Variants in EYS observed in about 807,000 individuals in gnomAD.
EYS encodes the protein protein eyes shut homolog.
In EYS, 250 loss-of-function variants were observed where a neutral mutation model predicts 282.1. The observed-to-expected ratio is 0.89, with a 90% CI of 0.80 to 0.98. The LOEUF (loss-of-function observed/expected upper bound fraction) is 0.98. Among genes scored for constraint, EYS ranks in the 50% least tolerant of loss-of-function variants. EYS has a pLI of 0.00. For missense variants in EYS, 4,016 were observed against 3,709.0 expected (o/e 1.08, Z -2.15); for synonymous variants, 1,355 against 1,282.9 (o/e 1.06, Z -1.20).
chr6:64,453,109 T>G (rs573540909), intron 26 of EYS, among the ~76,000 whole-genome samples: 61 of 152,206 alleles, frequency 4.0e-4, no homozygotes, highest in African/African-American at 1.4e-3. Context: ...CAACCTCATC[T>G]GACAAAGGGC....
Position 65,387,418 on chromosome 6 carries a change from C to G in EYS, c.1185-2918G>C, listed in dbSNP as rs76313068. On this transcript the variant is annotated intron_variant, in intron 7 of 42. Coordinates refer to ENST00000503581, the MANE Select transcript of EYS (RefSeq NM_001142800.2). Reference sequence around the variant, plus strand: ...ATAAAAATCAGTGAAACAATATTTACTACATTTTAAATAGGTTTCAAAATG... The same window carrying G: ...ATAAAAATCAGTGAAACAATATTTAGTACATTTTAAATAGGTTTCAAAATG... Among the ~76,000 whole-genome samples, 988 of 151,674 alleles carry G rather than the reference C, an allele frequency of 6.5e-3. 18 individuals carry two copies. Among genetic ancestry groups the G allele is most frequent in the African/African-American group, 0.022 (925 of 41,444 alleles).
chr6:64,036,593 T>C (rs562766787), intron 33 of EYS, among the ~76,000 whole-genome samples: 151 of 152,182 alleles, frequency 9.9e-4, no homozygotes, highest in African/African-American at 2.7e-3. Flanking sequence ...AGGTGAACAA[T>C]GAGGGCATAA....
intron 11 of EYS, among the ~76,000 whole-genome samples, chr6:65,334,563 C>T (rs1007375195): frequency 1.3e-5 from 2 of 151,832 alleles, no homozygotes; most frequent in African/African-American, 2.4e-5. Context: ...AGTCACTGTG[C>T]CAGACCCTGA....
intron 26 of EYS, among the ~76,000 whole-genome samples, chr6:64,559,424 A>G (rs796074740): frequency 1.1e-4 from 17 of 152,040 alleles, no homozygotes; most frequent in African/African-American, 4.1e-4. Context: ...ATGTCATAAC[A>G]CTTCTTGATT....
chr6:63,815,226 A>G (rs928819916), intron 36 of EYS, among the ~76,000 whole-genome samples: 2 of 152,168 alleles, frequency 1.3e-5, no homozygotes, highest in Non-Finnish European at 2.9e-5. Flanking sequence ...AAATTACTTT[A>G]TTTCTCACAG....
intron 2 of EYS, among the ~76,000 whole-genome samples, chr6:65,544,025 TGTGTGAGA>T (rs765578043): frequency 2.9e-4 from 42 of 142,628 alleles, no homozygotes; most frequent in African/African-American, 9.2e-4. Context: ...TGTGTGTGTG[TGTGTGAGA>T]GAGAGAGAGA....
chr6:64,389,014 C>T (rs1357557530), intron 28 of EYS, among the ~76,000 whole-genome samples, 174 bp from the exon 29 acceptor site: 1 of 151,650 alleles, frequency 6.6e-6, no homozygotes, highest in Non-Finnish European at 1.5e-5. Flanking sequence ...GCTTTAAGTA[C>T]ATAAACACAA....
At chr6:63,924,690 G>C (rs1053813183) in intron 35 of EYS, among the ~76,000 whole-genome samples, 1 of 152,130 alleles carries the variant, frequency 6.6e-6, no homozygotes. Flanking sequence ...ATGAAGCCAA[G>C]GCCAGATCAT....
chr6:65,453,280 C>T (rs1764474801), intron 5 of EYS, among the ~76,000 whole-genome samples: 1 of 151,976 alleles, frequency 6.6e-6, no homozygotes, highest in Non-Finnish European at 1.5e-5. Flanking sequence ...ATTTAGATAG[C>T]ATTTGGCATT....
intron 36 of EYS, among the ~76,000 whole-genome samples, chr6:63,828,882 T>C (rs1771546195): frequency 6.7e-6 from 1 of 148,376 alleles, no homozygotes; most frequent in African/African-American, 2.6e-5. Flanking sequence ...GTATGGAATG[T>C]AAACTAATAC....
At chr6:64,024,680 C>G (rs1052926520) in intron 33 of EYS, among the ~76,000 whole-genome samples, 1 of 152,016 alleles carries the variant, frequency 6.6e-6, no homozygotes, top group African/African-American at 2.4e-5. Flanking sequence ...CTGAAGCTAG[C>G]GAGACCACGA....
chr6:64,006,942 G>A (rs1768377791), intron 33 of EYS, among the ~76,000 whole-genome samples: 1 of 152,044 alleles, frequency 6.6e-6, no homozygotes, highest in Non-Finnish European at 1.5e-5. Flanking sequence ...GAAGATATTG[G>A]CCTGAAGTTT....
intron 26 of EYS, among the ~76,000 whole-genome samples, chr6:64,521,040 A>C (rs193167128): frequency 1.1e-4 from 16 of 151,910 alleles, no homozygotes; most frequent in African/African-American, 2.7e-4. Flanking sequence ...GCGGACAGGC[A>C]ATATTTATTG....
chr6:64,576,671 A>C (rs1765891071), intron 26 of EYS, among the ~76,000 whole-genome samples: 1 of 152,082 alleles, frequency 6.6e-6, no homozygotes, highest in Admixed American at 6.6e-5. Flanking sequence ...TTTCAAACAA[A>C]ATAATTTTAT....
At chr6:64,300,931 G>C (rs1769212163) in intron 30 of EYS, among the ~76,000 whole-genome samples, 2 of 152,208 alleles carry the variant, frequency 1.3e-5, no homozygotes, top group South Asian at 4.1e-4. Flanking sequence ...TCAGTATCAT[G>C]TAAATCAAGC....
At chr6:64,534,167 C>G (rs565118288) in intron 26 of EYS, among the ~76,000 whole-genome samples, 1 of 151,570 alleles carries the variant, frequency 6.6e-6, no homozygotes, top group Non-Finnish European at 1.5e-5. Flanking sequence ...AAATTTAGAT[C>G]TCTAAATTAT....
intron 14 of EYS, among the ~76,000 whole-genome samples, chr6:64,963,056 C>T (rs1344999719): frequency 6.6e-6 from 1 of 152,110 alleles, no homozygotes. Flanking sequence ...TGAATGTGTG[C>T]GTGCATGTAT....
chr6:63,739,281 G>A (rs1286881117), intron 41 of EYS, among the ~76,000 whole-genome samples: 1 of 152,126 alleles, frequency 6.6e-6, no homozygotes, highest in Non-Finnish European at 1.5e-5. Context: ...ATTGGAGAGT[G>A]TGCTTGGAAG....
chr6:65,558,854 C>T (rs1410495225), intron 2 of EYS, among the ~76,000 whole-genome samples: 1 of 152,090 alleles, frequency 6.6e-6, no homozygotes, highest in Non-Finnish European at 1.5e-5. Flanking sequence ...TGTTTTGCTC[C>T]GTAACTCCAG....
Sources: allele counts gnomAD v4.1 joint callset (sites outside exome capture counted in the v4.1 genomes callset), GRCh38; gene constraint gnomAD v4.1.1; transcripts MANE v1.5; gene names NCBI Gene and HGNC (gene_info 2026-07-23, HGNC 2026-07-21).